The following CENPF variants were observed in gnomAD, a reference collection of about 807,000 sequenced individuals.
CENPF encodes the protein centromere protein F, also known as AH antigen.
CENPF carries 214 observed loss-of-function variants against 307.3 expected under a neutral mutation model. That is an observed-to-expected ratio of 0.70 (90% CI 0.62 to 0.78). The LOEUF (loss-of-function observed/expected upper bound fraction) is 0.78. Among genes scored for constraint, CENPF ranks in the 30% least tolerant of loss-of-function variants. The probability of loss-of-function intolerance (pLI) is 0.00; values close to 1 mark genes in which losing one functional copy is unlikely to be tolerated. For missense variants in CENPF, 3,401 were observed against 3,483.9 expected (o/e 0.98, Z 0.60); for synonymous variants, 1,259 against 1,270.6 (o/e 0.99, Z 0.19).
intron 7 of CENPF, among the ~76,000 whole-genome samples, chr1:214,626,883 G>A (rs541813055): frequency 6.6e-6 from 1 of 152,314 alleles, no homozygotes; most frequent in African/African-American, 2.4e-5. Flanking sequence ...AGGCCTTCCT[G>A]TATGTAAGAA....
intron 7 of CENPF, among the ~76,000 whole-genome samples, chr1:214,626,973 T>C (rs541107178): frequency 2.6e-5 from 4 of 152,348 alleles, no homozygotes; most frequent in East Asian, 1.9e-4. Flanking sequence ...CTGACACATA[T>C]AATGAAGTTT....
chr1:214,647,340 C>A lies in CENPF; in HGVS notation c.7770C>A (p.Tyr2590Ter). ...QDTLEVLQSS[Y>*]KNLENELELT... ...CATTAGAAGTGCTGCAGAGTTCTTA[C>A]AAGAATCTAGAGAATGAGCTTGAAT... The change falls in exon 13 of 20, where the codon TAC becomes TAA. Residue 2590 changes from tyrosine to a stop codon, truncating the protein, a stop_gained. Transcript: ENST00000366955. LOFTEE classifies it high-confidence loss of function. 1.2e-6 allele frequency: 2 copies of A among 1,613,468 alleles called. No individual in the cohort carries two copies. Among genetic ancestry groups the A allele is most frequent in the Non-Finnish European group, 1.7e-6 (2 of 1,179,776 alleles).
intron 14 of CENPF, among the ~76,000 whole-genome samples, chr1:214,650,849 G>T (rs541759166): frequency 6.6e-6 from 1 of 152,050 alleles, no homozygotes; most frequent in African/African-American, 2.4e-5. Context: ...TTGTGCCACC[G>T]CACTCCAGCC....
chr1:214,654,454 C>G (rs1215629647), intron 16 of CENPF: 1 of 152,180 alleles, frequency 6.6e-6, no homozygotes, highest in Non-Finnish European at 1.5e-5. Context: ...ACCTATAGTC[C>G]CAGCTATGCA....
intron 7 of CENPF, among the ~76,000 whole-genome samples, chr1:214,626,110 C>T (rs1431763888): frequency 2.0e-5 from 3 of 152,180 alleles, no homozygotes; most frequent in Admixed American, 6.5e-5. Context: ...TAGAGAACTT[C>T]CTTTAGCCCT....
rs750121879 is a variant in CENPF at position 214,622,187 on chromosome 1, C to A, written c.974C>A (p.Ala325Glu). 1 of 1,613,846 alleles carries A rather than the reference C, an allele frequency of 6.2e-7. No homozygotes were observed. Among genetic ancestry groups the A allele is most frequent in the Non-Finnish European group, 8.5e-7 (1 of 1,179,912 alleles). The change falls in exon 7 of 20, where the codon GCA becomes GAA. Residue 325 changes from alanine (A) to glutamate (E), a missense_variant. Physicochemically the swap from Ala to Glu is moderately radical, Grantham distance 107 (BLOSUM62 -1). Coordinates refer to ENST00000366955, the MANE Select transcript of CENPF (RefSeq NM_016343.4). ...FQELQLQLEK[A>E]KVELIEKEKV... ...GAACTCCAACTCCAACTGGAGAAAG[C>A]AAAAGTGGAATTAATTGAAAAAGAG...
chr1:214,637,918 G>A lies in CENPF; in HGVS notation c.1499G>A (p.Arg500Lys), dbSNP rs1252930925. ...LLKSHSEQKA[R>K]EVCHLEAELK... Reference sequence around the variant, plus strand: ...AAGAGTCACTCTGAGCAAAAGGCCAGAGAAGTCTGCCACCTGGAGGCAGAA... The same window carrying A: ...AAGAGTCACTCTGAGCAAAAGGCCAAAGAAGTCTGCCACCTGGAGGCAGAA... The change falls in exon 11 of 20, where the codon AGA becomes AAA. Residue 500 changes from arginine (R) to lysine (K), a missense_variant. Transcript: ENST00000366955. 1 of 1,613,542 alleles carries A rather than the reference G, an allele frequency of 6.2e-7. No homozygotes were observed. Among genetic ancestry groups the A allele is most frequent in the Non-Finnish European group, 8.5e-7 (1 of 1,179,896 alleles).
chr1:214,657,379 C>A lies in CENPF; in HGVS notation c.8932C>A (p.Pro2978Thr). The change falls in exon 18 of 20, where the codon CCA becomes ACA. Residue 2978 changes from proline (P) to threonine (T), a missense_variant. Coordinates refer to ENST00000366955, the MANE Select transcript of CENPF (RefSeq NM_016343.4). ...AEDTEGTEFE[P>T]EGLPEVVKKG... The stretch of plus-strand genomic sequence containing the variant: ...AGACACGGAAGGTACTGAGTTTGAG[C>A]CAGAGGGACTTCCAGAAGTTGTAAA... 6.2e-7 allele frequency: 1 copy of A among 1,609,606 alleles called. No homozygotes were observed. The highest frequency in any genetic ancestry group is 8.5e-7 in the Non-Finnish European group (1 of 1,179,082).
intron 9 of CENPF, 57 bp from the exon 10 acceptor site, chr1:214,632,423 A>G: frequency 1.3e-6 from 2 of 1,572,276 alleles, no homozygotes; most frequent in Non-Finnish European, 1.7e-6. Context: ...AGAATACATG[A>G]TTAATGAAAA....
At chr1:214,619,338 G>A (rs1022324040) in intron 5 of CENPF, 118 bp downstream of exon 5, 3 of 552,472 alleles carry the variant, frequency 5.4e-6, no homozygotes, top group Non-Finnish European at 9.6e-6. Flanking sequence ...GTGTGTGTGT[G>A]TGCTGAGAAA....
At chr1:214,648,508 A>C (rs1326800597) in intron 13 of CENPF, 167 bp from the exon 14 acceptor site, 1 of 777,364 alleles carries the variant, frequency 1.3e-6, no homozygotes. Flanking sequence ...GCTTACTAGT[A>C]GGTTTTGAGA....
chr1:214,634,430 A>G (rs1657901479), intron 10 of CENPF, among the ~76,000 whole-genome samples: 1 of 152,120 alleles, frequency 6.6e-6, no homozygotes, highest in Non-Finnish European at 1.5e-5. Context: ...GTGAGATCTG[A>G]GATTGTGTTG....
chr1:214,637,870 T>G lies in CENPF; in HGVS notation c.1451T>G (p.Met484Arg), dbSNP rs752300864. The G allele has an allele frequency of 1.0e-5, 16 of 1,600,764 alleles. No individual in the cohort carries two copies. Among genetic ancestry groups the G allele is most frequent in the South Asian group, 4.6e-5 (4 of 87,596 alleles). Residue 484 changes from methionine (M) to arginine (R), a missense_variant, in exon 11 of 20, where the codon ATG (methionine) becomes AGG (arginine). Met to Arg is a moderately conservative substitution (Grantham distance 91). Transcript: ENST00000366955. ...CAATTAAAATGTGTGTTTTAGGAAA[T>G]GAAGAAGGAAAACAACCTCCTTAAG... is the stretch of plus-strand genomic sequence containing the variant. Reference protein sequence around the residue: ...ENELRRSMEEMKKENNLLKSH... With the variant: ...ENELRRSMEERKKENNLLKSH...
intron 10 of CENPF, among the ~76,000 whole-genome samples, chr1:214,633,837 G>A (rs184276872): frequency 4.6e-5 from 7 of 152,314 alleles, no homozygotes; most frequent in African/African-American, 1.7e-4. Context: ...TTTGGCCAGT[G>A]GGGACCAACC....
intron 16 of CENPF, chr1:214,653,654 T>C (rs1181147347): frequency 6.5e-6 from 1 of 153,744 alleles, no homozygotes; most frequent in Non-Finnish European, 1.5e-5. Flanking sequence ...GAAAATATTT[T>C]ACTTAGAAGA....
chr1:214,655,957 G>A (rs1658621488), intron 17 of CENPF, among the ~76,000 whole-genome samples: 1 of 152,116 alleles, frequency 6.6e-6, no homozygotes, highest in South Asian at 2.1e-4. Context: ...AAAAACTGGT[G>A]GAACTTTTTG....
At chr1:214,614,102 C>G (rs1372044614) in intron 2 of CENPF, among the ~76,000 whole-genome samples, 186 bp downstream of exon 2, 1 of 127,046 alleles carries the variant, frequency 7.9e-6, no homozygotes, top group Non-Finnish European at 1.6e-5. Context: ...AGGCCCCAAT[C>G]CCCTTCTTTT....
chr1:214,657,560 G>A (rs1379883911), intron 18 of CENPF, 151 bp downstream of exon 18: 10 of 622,964 alleles, frequency 1.6e-5, no homozygotes, highest in Admixed American at 3.0e-5. Flanking sequence ...TTAAATGGAT[G>A]AGGCATATGT....
intron 12 of CENPF, 106 bp from the exon 13 acceptor site, chr1:214,644,451 T>C: frequency 9.6e-7 from 1 of 1,041,360 alleles, no homozygotes; most frequent in Non-Finnish European, 1.4e-6. Context: ...AGAGATGTGT[T>C]TAGCAGAGGC....
Sources: gnomAD v4.1 joint callset for allele counts (sites outside exome capture counted in the v4.1 genomes callset) on GRCh38, gnomAD v4.1.1 for gene constraint, MANE v1.5 for transcripts, NCBI Gene and HGNC (gene_info 2026-07-23, HGNC 2026-07-21) for gene names.